ZNF384: variants seen among roughly 807,000 people sequenced by gnomAD.
ZNF384 encodes the protein CAG repeat protein 1.
A neutral mutation model predicts 65.0 loss-of-function variants in ZNF384; 20 were observed. The observed-to-expected ratio is 0.31, with a 90% CI of 0.22 to 0.45. The LOEUF (loss-of-function observed/expected upper bound fraction) is 0.45. Ranked by LOEUF, ZNF384 falls within the 20% of genes least tolerant of loss-of-function variation. ZNF384 has a pLI of 1.00. For missense variants in ZNF384, 549 were observed against 769.4 expected (o/e 0.71, Z 3.39); for synonymous variants, 310 against 303.9 (o/e 1.02, Z -0.21).
chr12:6,687,398 T>C (rs1157255915), intron 2 of ZNF384, among the ~76,000 whole-genome samples: 1 of 152,144 alleles, frequency 6.6e-6, no homozygotes, highest in Non-Finnish European at 1.5e-5. Flanking sequence ...CTGGGGAATG[T>C]GAGGCCAAAA....
intron 7 of ZNF384, 89 bp downstream of exon 7, chr12:6,677,078 T>C: frequency 2.6e-6 from 1 of 379,888 alleles, no homozygotes; most frequent in South Asian, 2.0e-5. Flanking sequence ...TTATCTGATA[T>C]ATACTCCCAA....
In ZNF384 at chr12:6,672,199, T is replaced by G; in HGVS notation, c.1187+151A>C. ...TGTCCACTTGAATCTCCAGTGTTGT[T>G]TGGTCTTCCTTCTCCCAGATGCCAG... On this transcript the variant is annotated intron_variant, in intron 9 of 11. Transcript: ENST00000683879. This position sits in a 1 kb window ranked among gnomAD's most constrained non-coding sequence, Gnocchi z 4.4. 1.3e-6 allele frequency: 1 copy of G among 771,636 alleles called. No homozygotes were observed. The highest frequency in any genetic ancestry group is 2.0e-6 in the Non-Finnish European group (1 of 492,668). 47.8% of individuals were successfully genotyped at this position (771,636 alleles called of 1,614,324 possible). A position where few individuals can be genotyped will look rare whatever the true frequency, so the allele number is the denominator to read the frequency against.
intron 3 of ZNF384, 63 bp downstream of exon 3, chr12:6,679,392 G>T: frequency 1.3e-6 from 2 of 1,485,092 alleles, no homozygotes; most frequent in Non-Finnish European, 1.9e-6. Flanking sequence ...TGTACCTTCA[G>T]TCTCCATAGT....
intron 10 of ZNF384, 136 bp downstream of exon 10, chr12:6,670,624 C>T (rs967386628): frequency 1.6e-5 from 12 of 771,558 alleles, no homozygotes; most frequent in Non-Finnish European, 2.6e-5. Flanking sequence ...CTATTACCCA[C>T]ATAAACAAAA....
intron 9 of ZNF384, 102 bp from the exon 10 acceptor site, chr12:6,670,940 A>C: frequency 9.0e-6 from 9 of 998,634 alleles, no homozygotes; most frequent in African/African-American, 1.6e-5. Flanking sequence ...CTAAGGAGGC[A>C]CATCAGATGG....
Position 6,673,205 on chromosome 12 carries a change from A to C in ZNF384, c.1004+11T>G, listed in dbSNP as rs754164654. ...CGGCCAGGTGGTGGGGTAAACCAAGAGCAGCCTTACCGGGTGTGCTGCTGA... is the reference window on the plus strand; with the variant it reads ...CGGCCAGGTGGTGGGGTAAACCAAGCGCAGCCTTACCGGGTGTGCTGCTGA... On this transcript the variant is annotated intron_variant, in intron 8 of 11. Coordinates refer to ENST00000683879, the MANE Select transcript of ZNF384 (RefSeq NM_001385745.1). This position sits in a 1 kb window ranked among gnomAD's most constrained non-coding sequence, Gnocchi z 4.7. The C allele has an allele frequency of 6.2e-7, 1 of 1,612,932 alleles. No individual in the cohort carries two copies. The highest frequency in any genetic ancestry group is 8.5e-7 in the Non-Finnish European group (1 of 1,179,288).
chr12:6,677,158 A>G lies in ZNF384; in HGVS notation c.779+9T>C. The G allele has an allele frequency of 2.4e-6, 2 of 844,650 alleles. No individual in the cohort carries two copies. Among genetic ancestry groups the G allele is most frequent in the South Asian group, 1.4e-5 (1 of 70,588 alleles). 52.3% of individuals were successfully genotyped at this position (844,650 alleles called of 1,614,324 possible). On this transcript the variant is annotated intron_variant, in intron 7 of 11. Coordinates refer to ENST00000683879, the MANE Select transcript of ZNF384 (RefSeq NM_001385745.1). ...GAAACTGAGGCCCAGAGAGGGGAAAAGGACTTGCCCAGGGTCACACAGCAA... is the reference window on the plus strand; with the variant it reads ...GAAACTGAGGCCCAGAGAGGGGAAAGGGACTTGCCCAGGGTCACACAGCAA...
chr12:6,682,248 A>T (rs760944424), intron 2 of ZNF384, among the ~76,000 whole-genome samples: 2 of 152,072 alleles, frequency 1.3e-5, no homozygotes, highest in Non-Finnish European at 2.9e-5. Flanking sequence ...TGAGCCCAGG[A>T]GTTCAAGACT....
At position 6,672,669 on chromosome 12, in the gene ZNF384, C is replaced by T; in HGVS notation, c.1005-137G>A. 2.4e-6 allele frequency: 2 copies of T among 818,238 alleles called. No homozygotes were observed. The highest frequency in any genetic ancestry group is 3.5e-5 in the South Asian group (2 of 56,490). The allele number at this position is 818,238 out of a possible 1,614,324, so 50.7% of individuals were successfully genotyped here. A position where few individuals can be genotyped will look rare whatever the true frequency, so the allele number is the denominator to read the frequency against. On this transcript the variant is annotated intron_variant, in intron 8 of 11. Transcript: ENST00000683879. The surrounding 1 kb of genome is among the most constrained non-coding windows in gnomAD (Gnocchi z 4.4). The stretch of plus-strand genomic sequence containing the variant: ...TCCCTCCTCCCAAAAACACTCCAGC[C>T]TGGATAGGCAAATGAAGAGGACACC...
rs1259492832 is a variant in ZNF384, at chr12:6,667,984, A to G, written c.1557T>C (p.Ala519=). The change falls in exon 12 of 12, where the codon GCT becomes GCC. Residue 519 remains alanine (A), a synonymous_variant. Transcript: ENST00000683879. ...AGGCCTGGGCCTGGGCCTGGGCTTG[A>G]GCCTGAGCCTGAGCCTGGGCTTGAG... ...AQAQAQAQAQ[A]QAQAQAQASQ... The G allele has an allele frequency of 3.7e-6, 6 of 1,611,622 alleles. No homozygotes were observed. The highest frequency in any genetic ancestry group is 4.2e-6 in the Non-Finnish European group (5 of 1,179,028).
rs1305000166 is a variant in ZNF384, at chr12:6,672,247, T to TC, written c.1187+102dup. The TC allele has an allele frequency of 2.1e-5, 28 of 1,304,218 alleles. No individual in the cohort carries two copies. The highest frequency in any genetic ancestry group is 2.9e-5 in the Non-Finnish European group (28 of 961,318). The allele number at this position is 1,304,218 out of a possible 1,614,324, so 80.8% of individuals were successfully genotyped here. ...CAGCCAGGTCTCTCCTCCAGCCAGGTCTCTCCCCCGCCCCCCGCATGCGGG... is the reference window on the plus strand; with the variant it reads ...CAGCCAGGTCTCTCCTCCAGCCAGGTCCTCTCCCCCGCCCCCCGCATGCGGG... On this transcript the variant is annotated intron_variant, in intron 9 of 11. Coordinates refer to ENST00000683879, the MANE Select transcript of ZNF384 (RefSeq NM_001385745.1). The surrounding 1 kb of genome is among the most constrained non-coding windows in gnomAD (Gnocchi z 4.4).
chr12:6,671,229 G>C (rs1011442228), intron 9 of ZNF384, among the ~76,000 whole-genome samples: 1 of 152,210 alleles, frequency 6.6e-6, no homozygotes, highest in Non-Finnish European at 1.5e-5. Context: ...CTTATGGCCA[G>C]AAACAGTCCC....
intron 2 of ZNF384, among the ~76,000 whole-genome samples, chr12:6,687,345 G>A (rs1042123682): frequency 2.6e-5 from 4 of 152,258 alleles, no homozygotes; most frequent in South Asian, 4.1e-4. Context: ...GGGACGGCAC[G>A]GTGGTTCTCC....
Position 6,672,948 on chromosome 12 carries a change from G to A in ZNF384, c.1004+268C>T, listed in dbSNP as rs754932726. On this transcript the variant is annotated intron_variant, in intron 8 of 11. Transcript: ENST00000683879. The surrounding 1 kb of genome is among the most constrained non-coding windows in gnomAD (Gnocchi z 4.4). ...CTCTGAACTGAAGCATATAGTAAAA[G>A]CAGGCCTGCTCTGCAGAAGATTTCC... The A allele has an allele frequency of 7.2e-5, 36 of 503,306 alleles. No homozygotes were observed. The highest frequency in any genetic ancestry group is 1.1e-3 in the Middle Eastern group (2 of 1,866). 31.2% of individuals were successfully genotyped at this position (503,306 alleles called of 1,614,324 possible). A position where few individuals can be genotyped will look rare whatever the true frequency, so the allele number is the denominator to read the frequency against.
rs1952268274 is a variant in ZNF384, at chr12:6,673,411, G to A, written c.809C>T (p.Ser270Phe). ...GCRMCSLTFY[S>F]KSEMQIHSKS... is the part of the protein sequence containing the mutation. Reference sequence around the variant, plus strand: ...GGAGTGGATCTGCATCTCCGACTTGGAGTAGAATGTCAGTGAGCACATCCG... The same window carrying A: ...GGAGTGGATCTGCATCTCCGACTTGAAGTAGAATGTCAGTGAGCACATCCG... Residue 270 changes from serine to phenylalanine, a missense_variant, in exon 8 of 12, where the codon TCC becomes TTC. Transcript: ENST00000683879. The surrounding 1 kb of genome is among the most constrained non-coding windows in gnomAD (Gnocchi z 4.7). The A allele has an allele frequency of 6.2e-7, 1 of 1,613,960 alleles. No individual in the cohort carries two copies.
At chr12:6,675,900 A>G (rs778159434) in intron 7 of ZNF384, among the ~76,000 whole-genome samples, 1 of 152,228 alleles carries the variant, frequency 6.6e-6, no homozygotes, top group Non-Finnish European at 1.5e-5. Flanking sequence ...TGACTTGACC[A>G]GAGTAACAGA....
chr12:6,678,858 C>A lies in ZNF384; in HGVS notation c.304+88G>T. The A allele has an allele frequency of 6.8e-7, 1 of 1,479,234 alleles. No homozygotes were observed. The highest frequency in any genetic ancestry group is 9.4e-7 in the Non-Finnish European group (1 of 1,065,830). The allele number at this position is 1,479,234 out of a possible 1,614,324, so 91.6% of individuals were successfully genotyped here. On this transcript the variant is annotated intron_variant, in intron 4 of 11. Transcript: ENST00000683879. The surrounding 1 kb of genome is among the most constrained non-coding windows in gnomAD (Gnocchi z 4.9). ...TGATTGAATAATCAAACACATATCC[C>A]ACTCCCCATGTCCTTGGAGCCCTCC...
In ZNF384 at chr12:6,672,935, G is replaced by C. The variant is rs980756055; in HGVS notation, c.1004+281C>G. 3.1e-5 allele frequency: 15 copies of C among 491,004 alleles called. No individual in the cohort carries two copies. Among genetic ancestry groups the C allele is most frequent in the Non-Finnish European group, 5.6e-5 (15 of 270,158 alleles). 30.4% of individuals were successfully genotyped at this position (491,004 alleles called of 1,614,324 possible). The stretch of plus-strand genomic sequence containing the variant: ...ATGCACACCTTGGCTCTGAACTGAA[G>C]CATATAGTAAAAGCAGGCCTGCTCT... On this transcript the variant is annotated intron_variant, in intron 8 of 11. Transcript: ENST00000683879. This position sits in a 1 kb window ranked among gnomAD's most constrained non-coding sequence, Gnocchi z 4.4.
chr12:6,668,913 A>G (rs1441415783), intron 11 of ZNF384, 118 bp downstream of exon 11: 1 of 1,085,802 alleles, frequency 9.2e-7, no homozygotes, highest in Non-Finnish European at 1.3e-6. Context: ...CTGTTCTGCT[A>G]AGTTGGAGCT....
Sources: allele counts gnomAD v4.1 joint callset (sites outside exome capture counted in the v4.1 genomes callset), GRCh38; gene constraint gnomAD v4.1.1; non-coding constraint Gnocchi (gnomAD v3.1); transcripts MANE v1.5; gene names NCBI Gene and HGNC (gene_info 2026-07-23, HGNC 2026-07-21).